The following NCBP1 variants were observed in gnomAD, a reference collection of about 807,000 sequenced individuals.
NCBP1 encodes nuclear cap-binding protein subunit 1.
In NCBP1, 16 loss-of-function variants were observed where a neutral mutation model predicts 111.7. The observed-to-expected ratio is 0.14, with a 90% CI of 0.10 to 0.22. The LOEUF is 0.22. NCBP1 is among the 10% of genes least tolerant of loss of function. The pLI, the probability that NCBP1 is intolerant of heterozygous loss-of-function variation, is 1.00. For synonymous variants in NCBP1, 304 were observed against 314.3 expected, an observed-to-expected ratio of 0.97 and a Z score of 0.35; for missense variants, 607 against 957.5, an observed-to-expected ratio of 0.63 and a Z score of 4.83.
At chr9:97,661,939 A>G (rs575179418) in intron 16 of NCBP1, 103 bp from the exon 17 acceptor site, 2 of 623,506 alleles carry the variant, frequency 3.2e-6, no homozygotes, top group South Asian at 5.8e-5. Context: ...TTACACAAAT[A>G]TCTGTGTATA....
intron 11 of NCBP1, among the ~76,000 whole-genome samples, 196 bp downstream of exon 11, chr9:97,654,104 C>G (rs1265983331): frequency 1.3e-5 from 2 of 152,090 alleles, no homozygotes; most frequent in Admixed American, 6.5e-5. Context: ...ACATCCTTCA[C>G]TATTTGGGTC....
intron 1 of NCBP1, among the ~76,000 whole-genome samples, chr9:97,636,633 AATACAT>A (rs1173669751): frequency 1.1e-5 from 1 of 90,404 alleles, no homozygotes; most frequent in Non-Finnish European, 2.2e-5. Context: ...TATGGAAAGT[AATACAT>A]ATATATATAT....
intron 15 of NCBP1, among the ~76,000 whole-genome samples, chr9:97,659,360 G>T (rs576453983): frequency 1.3e-5 from 2 of 152,216 alleles, no homozygotes; most frequent in East Asian, 3.9e-4. Context: ...CTTCCATTTT[G>T]TGTTGTGTAG....
intron 20 of NCBP1, 72 bp from the exon 21 acceptor site, chr9:97,668,774 G>A: frequency 2.0e-6 from 3 of 1,505,756 alleles, no homozygotes; most frequent in Non-Finnish European, 2.7e-6. Context: ...ACAGTAAAAT[G>A]CTTCCCCTGG....
intron 3 of NCBP1, among the ~76,000 whole-genome samples, chr9:97,642,595 C>G (rs143726733): frequency 3.3e-4 from 50 of 152,194 alleles, no homozygotes; most frequent in African/African-American, 1.2e-3. Context: ...AATCAGCACA[C>G]TTGGAGTAAG....
At chr9:97,657,924 ATATTT>A (rs1386403815) in intron 14 of NCBP1, among the ~76,000 whole-genome samples, 21 of 119,502 alleles carry the variant, frequency 1.8e-4, no homozygotes, top group African/African-American at 4.2e-4. Flanking sequence ...ATATATATAT[ATATTT>A]TTTTTTTTTT....
intron 14 of NCBP1, among the ~76,000 whole-genome samples, chr9:97,657,132 A>C (rs1813875): frequency 0.094 from 14,260 of 152,070 alleles, 2,294 homozygotes; most frequent in African/African-American, 0.33. Flanking sequence ...ACGCCTGGCT[A>C]ATTTTTTGTA....
chr9:97,651,824 T>C (rs1438382936), intron 10 of NCBP1, among the ~76,000 whole-genome samples: 1 of 152,212 alleles, frequency 6.6e-6, no homozygotes, highest in Non-Finnish European at 1.5e-5. Flanking sequence ...ACACAAAGTG[T>C]AGATGAATCA....
chr9:97,668,991 C>A lies in NCBP1; in HGVS notation c.2145+17C>A. On this transcript the variant is annotated intron_variant, in intron 21 of 22. Transcript: ENST00000375147. The stretch of plus-strand genomic sequence containing the variant: ...ATATTTCAGGTATCTTGGCTTGGGA[C>A]ATTTATACATAAAAGGAAACAATAC... 2 of 1,585,116 alleles carry A rather than the reference C, an allele frequency of 1.3e-6. No individual in the cohort carries two copies. The highest frequency in any genetic ancestry group is 1.7e-6 in the Non-Finnish European group (2 of 1,166,130).
intron 20 of NCBP1, among the ~76,000 whole-genome samples, chr9:97,668,106 A>G (rs1319712965): frequency 6.6e-6 from 1 of 152,210 alleles, no homozygotes; most frequent in Admixed American, 6.5e-5. Context: ...AAGAATTACC[A>G]GGCTTTCTAG....
At position 97,671,633 on chromosome 9, in the gene NCBP1, C is replaced by T. The variant is rs1653814687; in HGVS notation, c.*434C>T. 1 of 152,864 alleles carries T rather than the reference C, an allele frequency of 6.5e-6. No homozygotes were observed. The highest frequency in any genetic ancestry group is 1.5e-5 in the Non-Finnish European group (1 of 68,522). 9.5% of individuals were successfully genotyped at this position (152,864 alleles called of 1,614,324 possible). On this transcript the variant is annotated 3_prime_UTR_variant, in exon 23 of 23. Coordinates refer to ENST00000375147, the MANE Select transcript of NCBP1 (RefSeq NM_002486.5). ...TAAAACTAAAAGTATGGTTTTTAAA[C>T]TTTGGCATTTCATGATTTATCATCT...
At chr9:97,641,477 T>C in intron 2 of NCBP1, 85 bp from the exon 3 acceptor site, 3 of 1,008,096 alleles carry the variant, frequency 3.0e-6, no homozygotes, top group Non-Finnish European at 4.0e-6. Flanking sequence ...TTAAAATATG[T>C]ATATATTTAC....
At chr9:97,660,885 T>G in intron 15 of NCBP1, 61 bp from the exon 16 acceptor site, 1 of 1,526,206 alleles carries the variant, frequency 6.6e-7, no homozygotes, top group Non-Finnish European at 8.8e-7. Flanking sequence ...TATTTAACTG[T>G]TCATTAGAAT....
intron 10 of NCBP1, 99 bp from the exon 11 acceptor site, chr9:97,653,699 G>T: frequency 5.3e-6 from 4 of 752,908 alleles, no homozygotes; most frequent in Non-Finnish European, 6.4e-6. Context: ...TCATATGAAT[G>T]CCATGGAGTT....
intron 11 of NCBP1, 94 bp from the exon 12 acceptor site, chr9:97,654,783 CATT>C (rs1827600616): frequency 9.4e-7 from 1 of 1,058,292 alleles, no homozygotes. Context: ...CATTATTAAT[CATT>C]ATAAAGACTT....
intron 15 of NCBP1, among the ~76,000 whole-genome samples, chr9:97,659,675 A>C (rs1827776262): frequency 2.6e-5 from 4 of 152,200 alleles, no homozygotes; most frequent in African/African-American, 9.7e-5. Context: ...GGCAGATCAA[A>C]GGTTTATGCA....
chr9:97,665,355 G>A (rs1229338743), intron 19 of NCBP1, among the ~76,000 whole-genome samples: 4 of 152,110 alleles, frequency 2.6e-5, no homozygotes, highest in African/African-American at 4.8e-5. Flanking sequence ...TATCCTTACC[G>A]CATCACCGTA....
chr9:97,647,173 G>A (rs1827366358), intron 6 of NCBP1, among the ~76,000 whole-genome samples: 2 of 151,842 alleles, frequency 1.3e-5, no homozygotes, highest in East Asian at 1.9e-4. Context: ...TATTTATGGG[G>A]GATATAAATT....
In NCBP1 at chr9:97,669,700, C is replaced by T. The variant is rs772018313; in HGVS notation, c.2253C>T (p.Phe751=). Residue 751 remains phenylalanine (F), a synonymous_variant, in exon 22 of 23, where the codon TTC becomes TTT. Coordinates refer to ENST00000375147, the MANE Select transcript of NCBP1 (RefSeq NM_002486.5). ...GTATAGAGAGGCTGCAGCAGATCTTCCTACAGGTATGTGGGGAACTTCGAT... is the reference window on the plus strand; with the variant it reads ...GTATAGAGAGGCTGCAGCAGATCTTTCTACAGGTATGTGGGGAACTTCGAT... ...KNCIERLQQI[F]LQHHQIIQQY... The T allele has an allele frequency of 6.3e-7, 1 of 1,580,534 alleles. No individual in the cohort carries two copies. The highest frequency in any genetic ancestry group is 1.1e-5 in the South Asian group (1 of 90,370).
Sources: allele counts gnomAD v4.1 joint callset (sites outside exome capture counted in the v4.1 genomes callset), GRCh38; gene constraint gnomAD v4.1.1; transcripts MANE v1.5; gene names NCBI Gene and HGNC (gene_info 2026-07-23, HGNC 2026-07-21).